Variants in YEATS4 observed in about 807,000 individuals in gnomAD.
The protein encoded by YEATS4 is YEATS domain containing 4.
A neutral mutation model predicts 30.1 loss-of-function variants in YEATS4; 17 were observed. That is an observed-to-expected ratio of 0.56 (90% CI 0.39 to 0.85). The LOEUF is 0.85. Among genes scored for constraint, YEATS4 ranks in the 40% least tolerant of loss-of-function variants. YEATS4 has a pLI of 0.00. For synonymous variants in YEATS4, 85 were observed against 87.5 expected (o/e 0.97, Z 0.16); for missense variants, 142 against 268.3 (o/e 0.53, Z 3.29).
intron 6 of YEATS4, among the ~76,000 whole-genome samples, chr12:69,382,876 A>C: frequency 6.6e-6 from 1 of 152,200 alleles, no homozygotes; most frequent in Non-Finnish European, 1.5e-5. Flanking sequence ...AGGATGACTT[A>C]CATGGTTTTG....
rs746008267 is a variant in YEATS4, at chr12:69,359,948, G to A, written c.-25G>A. 7 of 1,611,904 alleles carry A rather than the reference G, an allele frequency of 4.3e-6. No individual in the cohort carries two copies. Among genetic ancestry groups the A allele is most frequent in the Non-Finnish European group, 5.1e-6 (6 of 1,178,922 alleles). ...CCAGCCCCGGTCTCTTTCCCTGGCG[G>A]CGGCGGCTTCTTCCGTGGGACAATA... On this transcript the variant is annotated 5_prime_UTR_variant, in exon 1 of 7. Transcript: ENST00000247843.
chr12:69,414,486 C>T, the YEATS4 span, among the ~76,000 whole-genome samples: 1 of 152,180 alleles, frequency 6.6e-6, no homozygotes, highest in Non-Finnish European at 1.5e-5. Flanking sequence ...CCATCTTAGC[C>T]TCCCAAAGCA....
chr12:69,408,279 G>C, the YEATS4 span, among the ~76,000 whole-genome samples: 1 of 152,050 alleles, frequency 6.6e-6, no homozygotes, highest in Non-Finnish European at 1.5e-5. Context: ...TCTAGTGCTA[G>C]TAACATCTTA....
intron 4 of YEATS4, among the ~76,000 whole-genome samples, chr12:69,368,656 G>A (rs1302036480): frequency 1.3e-5 from 2 of 152,168 alleles, no homozygotes; most frequent in African/African-American, 4.8e-5. Context: ...AGATCTGAAG[G>A]CTAGAAGTCT....
At chr12:69,401,355 T>G in the YEATS4 span, among the ~76,000 whole-genome samples, 1 of 152,220 alleles carries the variant, frequency 6.6e-6, no homozygotes, top group Non-Finnish European at 1.5e-5. Context: ...TCATGTAAAT[T>G]CTCAGAAAAA....
intron 4 of YEATS4, 105 bp from the exon 5 acceptor site, chr12:69,370,601 G>T: frequency 1.2e-6 from 1 of 862,146 alleles, no homozygotes; most frequent in Non-Finnish European, 1.6e-6. Context: ...TCATGAATTT[G>T]ACATGTATAT....
chr12:69,386,477 C>T (rs1215378567), intron 6 of YEATS4, among the ~76,000 whole-genome samples: 1 of 152,054 alleles, frequency 6.6e-6, no homozygotes, highest in African/African-American at 2.4e-5. Context: ...ACCAAGAAGC[C>T]CTCCTTCATA....
At chr12:69,407,357 G>C in the YEATS4 span, among the ~76,000 whole-genome samples, 8 of 151,930 alleles carry the variant, frequency 5.3e-5, no homozygotes, top group Non-Finnish European at 7.4e-5. Context: ...ACAGTCCCTG[G>C]TACATGGTAG....
At chr12:69,423,569 C>T in the YEATS4 span, among the ~76,000 whole-genome samples, 6 of 152,144 alleles carry the variant, frequency 3.9e-5, no homozygotes, top group South Asian at 1.2e-3. Flanking sequence ...GCTAATTCCA[C>T]AGATCTGAAA....
chr12:69,378,726 T>C (rs1426090547), intron 6 of YEATS4, among the ~76,000 whole-genome samples: 1 of 152,166 alleles, frequency 6.6e-6, no homozygotes, highest in Non-Finnish European at 1.5e-5. Flanking sequence ...CTTATTGCTA[T>C]CTATGTCTTG....
intron 6 of YEATS4, among the ~76,000 whole-genome samples, chr12:69,373,023 T>C (rs1333884183): frequency 1.3e-5 from 2 of 151,958 alleles, no homozygotes; most frequent in African/African-American, 2.4e-5. Flanking sequence ...ATATTTTCTT[T>C]ATCCATTCAT....
chr12:69,397,848 A>G, the YEATS4 span, among the ~76,000 whole-genome samples: 1 of 152,172 alleles, frequency 6.6e-6, no homozygotes, highest in South Asian at 2.1e-4. Flanking sequence ...CCACAACTTG[A>G]TCTCAGACTT....
the YEATS4 span, among the ~76,000 whole-genome samples, chr12:69,423,295 A>G: frequency 7.2e-5 from 11 of 152,312 alleles, 2 homozygotes; most frequent in Admixed American, 5.9e-4. Context: ...GCTAAACTCT[A>G]GAGATTTCCA....
the YEATS4 span, among the ~76,000 whole-genome samples, chr12:69,417,330 TTTGATG>T: frequency 6.6e-6 from 1 of 151,284 alleles, no homozygotes; most frequent in East Asian, 2.0e-4. Context: ...TGGCTAATTT[TTTGATG>T]TTTTGTTGAG....
the YEATS4 span, among the ~76,000 whole-genome samples, chr12:69,417,990 A>G: frequency 2.0e-5 from 3 of 152,298 alleles, no homozygotes; most frequent in Admixed American, 2.0e-4. Flanking sequence ...AGCTATATTT[A>G]AAGTTTCTGG....
At chr12:69,389,969 G>A (rs1469612042) in intron 6 of YEATS4, among the ~76,000 whole-genome samples, 178 bp from the exon 7 acceptor site, 1 of 151,984 alleles carries the variant, frequency 6.6e-6, no homozygotes, top group Non-Finnish European at 1.5e-5. Flanking sequence ...ATCCTCTCTT[G>A]GGAATTCAGA....
intron 6 of YEATS4, among the ~76,000 whole-genome samples, chr12:69,377,739 G>A (rs192992907): frequency 2.7e-4 from 41 of 152,236 alleles, no homozygotes; most frequent in African/African-American, 9.4e-4. Flanking sequence ...AATGTTTTAT[G>A]ACTTGTTTTG....
the YEATS4 span, among the ~76,000 whole-genome samples, chr12:69,396,197 G>A: frequency 6.6e-6 from 1 of 152,018 alleles, no homozygotes; most frequent in Non-Finnish European, 1.5e-5. Flanking sequence ...ATTCTTTATT[G>A]TTGCTGTCTG....
chr12:69,360,989 G>C (rs972923826), intron 1 of YEATS4, among the ~76,000 whole-genome samples: 1 of 151,620 alleles, frequency 6.6e-6, no homozygotes, highest in Non-Finnish European at 1.5e-5. Flanking sequence ...CCTGAGATCA[G>C]AAGTTCAAGA....
Sources: gnomAD v4.1 joint callset for allele counts (sites outside exome capture counted in the v4.1 genomes callset) on GRCh38, gnomAD v4.1.1 for gene constraint, MANE v1.5 for transcripts, NCBI Gene and HGNC (gene_info 2026-07-23, HGNC 2026-07-21) for gene names.